The following KIF26B variants were observed in gnomAD, a reference collection of about 807,000 sequenced individuals.
KIF26B encodes kinesin family member 26B.
Under a neutral mutation model 151.2 loss-of-function variants are expected in KIF26B, and 63 were observed. That is an observed-to-expected ratio of 0.42 (90% CI 0.34 to 0.51). The LOEUF (loss-of-function observed/expected upper bound fraction) is 0.51, where lower values mean the gene tolerates loss of function less well. Ranked by LOEUF, KIF26B falls within the 20% of genes least tolerant of loss-of-function variation. The pLI is 0.07. For missense variants in KIF26B, 2,813 were observed against 2,913.6 expected (o/e 0.97, Z 0.79); for synonymous variants, 1,357 against 1,262.1 (o/e 1.08, Z -1.59).
intron 3 of KIF26B, among the ~76,000 whole-genome samples, chr1:245,396,539 G>C (rs1053161734): frequency 3.3e-5 from 5 of 152,040 alleles, no homozygotes; most frequent in African/African-American, 4.8e-5. Context: ...AGGAGGCTGA[G>C]GCAGGAGAAT....
At chr1:245,286,512 A>C (rs1671166051) in intron 2 of KIF26B, among the ~76,000 whole-genome samples, 1 of 152,222 alleles carries the variant, frequency 6.6e-6, no homozygotes, top group Non-Finnish European at 1.5e-5. Flanking sequence ...ACTGCACTCT[A>C]GCCTGGGCGA....
intron 9 of KIF26B, among the ~76,000 whole-genome samples, chr1:245,624,393 G>A (rs2043700362): frequency 1.3e-5 from 2 of 152,084 alleles, no homozygotes; most frequent in Non-Finnish European, 2.9e-5. Flanking sequence ...TATATGGGGA[G>A]TTCCCGTTCC....
At chr1:245,220,269 T>G (rs72779229) in intron 2 of KIF26B, among the ~76,000 whole-genome samples, 5,438 of 152,320 alleles carry the variant, frequency 0.036, 168 homozygotes, top group Non-Finnish European at 0.054. Flanking sequence ...TCATCCTGAC[T>G]GGGGTCTGAA....
chr1:245,264,629 T>C (rs983778994), intron 2 of KIF26B, among the ~76,000 whole-genome samples: 39 of 151,548 alleles, frequency 2.6e-4, no homozygotes, highest in Non-Finnish European at 5.3e-4. Flanking sequence ...ATGCCGTGGC[T>C]CACGCCTGTA....
intron 2 of KIF26B, among the ~76,000 whole-genome samples, chr1:245,365,810 G>A (rs1318676324): frequency 1.3e-5 from 2 of 152,142 alleles, no homozygotes; most frequent in South Asian, 2.1e-4. Flanking sequence ...GTGGACAGAC[G>A]AGAGGTTCAG....
rs201807950 is a variant in KIF26B, at chr1:245,529,976, GA to G, written c.1167-10782del. ...TATAAGGAGCTCAAACAACTCTATG[GA>G]AAAAAAAATCTAATAATCCAATTTA... On this transcript the variant is annotated intron_variant, in intron 4 of 14. Coordinates refer to ENST00000407071, the MANE Select transcript of KIF26B (RefSeq NM_018012.4). Among the ~76,000 whole-genome samples, 811 of 151,112 alleles carry G rather than the reference GA, an allele frequency of 5.4e-3. 10 individuals carry two copies. Among genetic ancestry groups the G allele is most frequent in the African/African-American group, 0.017 (700 of 41,218 alleles).
intron 4 of KIF26B, among the ~76,000 whole-genome samples, chr1:245,520,232 G>A (rs1319550320): frequency 1.3e-5 from 2 of 150,968 alleles, no homozygotes; most frequent in Non-Finnish European, 2.9e-5. Context: ...TTGACTTTTG[G>A]AATTGTCCTT....
rs532384190 is a variant in KIF26B at position 245,622,329 on chromosome 1, T to C, written c.2098+10353T>C. Reference sequence around the variant, plus strand: ...CTGGAGAGCTGGAATTGCAATGCTTTCTTTAAGTATTTCTCACCTTTTTTT... The same window carrying C: ...CTGGAGAGCTGGAATTGCAATGCTTCCTTTAAGTATTTCTCACCTTTTTTT... On this transcript the variant is annotated intron_variant, in intron 9 of 14. Coordinates refer to ENST00000407071, the MANE Select transcript of KIF26B (RefSeq NM_018012.4). Among the ~76,000 whole-genome samples, 12 of 152,332 alleles carry C rather than the reference T, an allele frequency of 7.9e-5. No homozygotes were observed. In the East Asian group the frequency reaches 1.7e-3, roughly 22 times the overall value.
chr1:245,528,192 A>G (rs1254764703), intron 4 of KIF26B, among the ~76,000 whole-genome samples: 1 of 152,162 alleles, frequency 6.6e-6, no homozygotes, highest in Non-Finnish European at 1.5e-5. Flanking sequence ...CGAGATGCAG[A>G]TCAGGAAGCT....
intron 3 of KIF26B, among the ~76,000 whole-genome samples, chr1:245,399,500 G>A (rs1673941755): frequency 6.6e-6 from 1 of 152,176 alleles, no homozygotes; most frequent in Admixed American, 6.5e-5. Flanking sequence ...CCGACTTATT[G>A]CCAAGGAGAT....
At chr1:245,502,802 T>C (rs1269418857) in intron 4 of KIF26B, among the ~76,000 whole-genome samples, 2 of 151,650 alleles carry the variant, frequency 1.3e-5, no homozygotes, top group African/African-American at 2.4e-5. Context: ...TGTTTTGTCA[T>C]GACAGGGGGA....
At chr1:245,641,212 T>C (rs2043888190) in intron 9 of KIF26B, among the ~76,000 whole-genome samples, 1 of 152,116 alleles carries the variant, frequency 6.6e-6, no homozygotes, top group African/African-American at 2.4e-5. Context: ...GTATTTGATG[T>C]CCGTTGTATG....
rs1669685745 is a variant in KIF26B, at chr1:245,218,142, A to G, written c.465+61459A>G. ...GTGCAGCGGGCAGAGGCCAGAGGCC[A>G]TGGTGGGGGCCCCAGAACTCAGGCT... On this transcript the variant is annotated intron_variant, in intron 2 of 14. Transcript: ENST00000407071. The surrounding 1 kb of genome is among the most constrained non-coding windows in gnomAD (Gnocchi z 4.1). 6.6e-6 allele frequency among the ~76,000 whole-genome samples: 1 copy of G among 152,188 alleles called. No homozygotes were observed. The highest frequency in any genetic ancestry group is 6.5e-5 in the Admixed American group (1 of 15,284).
rs964209893 is a variant in KIF26B, at chr1:245,605,373, G to A, written c.1558-2278G>A. Among the ~76,000 whole-genome samples, 48 of 152,208 alleles carry A rather than the reference G, an allele frequency of 3.2e-4. 1 individual carries two copies. The highest frequency in any genetic ancestry group is 1.5e-4 in the Non-Finnish European group (10 of 68,042). On this transcript the variant is annotated intron_variant, in intron 6 of 14. Transcript: ENST00000407071. ...AGGAGGGAGTGTGCGGAGTGGGCCT[G>A]TGCTCTCCAGTCCTCATTTTCAGCC...
chr1:245,491,372 T>C (rs1311736350), intron 4 of KIF26B, among the ~76,000 whole-genome samples: 1 of 152,244 alleles, frequency 6.6e-6, no homozygotes, highest in Non-Finnish European at 1.5e-5. Context: ...TCTGTTATGC[T>C]GATACAAAGA....
chr1:245,215,466 G>T (rs1311820107), intron 2 of KIF26B, among the ~76,000 whole-genome samples: 2 of 152,176 alleles, frequency 1.3e-5, no homozygotes, highest in Admixed American at 6.5e-5. Flanking sequence ...AGCAGATGCT[G>T]CTCCTCAGGG....
In KIF26B at chr1:245,390,943, A is replaced by AAAAAAACAAAACAAAACAAAAC. The variant is rs1553270127; in HGVS notation, c.999+23582_999+23583insCAAAACAAAACAAAACAAAAAA. Among the ~76,000 whole-genome samples the AAAAAAACAAAACAAAACAAAAC allele has an allele frequency of 4.3e-4, 51 of 118,452 alleles. 1 individual carries two copies. The highest frequency in any genetic ancestry group is 2.0e-3 in the African/African-American group (49 of 24,442). 77.7% of individuals were successfully genotyped at this position (118,452 alleles called of 152,430 possible). A position where few individuals can be genotyped will look rare whatever the true frequency, so the allele number is the denominator to read the frequency against. ...TCTCAAAAAAAAAAAAAAAAAAAAA[A>AAAAAAACAAAACAAAACAAAAC]AAAAAAAAACCACCATAAAATTTTG... On this transcript the variant is annotated intron_variant, in intron 3 of 14. Coordinates refer to ENST00000407071, the MANE Select transcript of KIF26B (RefSeq NM_018012.4).
rs184331975 is a variant in KIF26B at position 245,606,552 on chromosome 1, G to A, written c.1558-1099G>A. On this transcript the variant is annotated intron_variant, in intron 6 of 14. Transcript: ENST00000407071. The surrounding 1 kb of genome is among the most constrained non-coding windows in gnomAD (Gnocchi z 4.6). The stretch of plus-strand genomic sequence containing the variant: ...GATCTCCAAGTTAGTCCACAAAACC[G>A]ACAGCTCTGATGGCTCGCAGAGCTC... 6.6e-5 allele frequency among the ~76,000 whole-genome samples: 10 copies of A among 152,302 alleles called. No homozygotes were observed. In the East Asian group the frequency reaches 1.5e-3, roughly 24 times the overall value.
At chr1:245,416,340 A>G (rs1674421031) in intron 3 of KIF26B, among the ~76,000 whole-genome samples, 1 of 152,142 alleles carries the variant, frequency 6.6e-6, no homozygotes, top group African/African-American at 2.4e-5. Context: ...GTTTTAAAGA[A>G]ATGACTCTTA....
Sources: gnomAD v4.1 joint callset for allele counts (sites outside exome capture counted in the v4.1 genomes callset) on GRCh38, gnomAD v4.1.1 for gene constraint, Gnocchi (gnomAD v3.1) non-coding constraint, MANE v1.5 for transcripts, NCBI Gene and HGNC (gene_info 2026-07-23, HGNC 2026-07-21) for gene names.